The following SCD5 variants were observed in gnomAD, a reference collection of about 807,000 sequenced individuals.
SCD5 encodes stearoyl-CoA desaturase 5, also known as acyl-CoA-desaturase 4.
In SCD5, 20 loss-of-function variants were observed where a neutral mutation model predicts 30.4. The ratio of observed to expected loss-of-function variants is 0.66; its 90% CI spans 0.46 to 0.96. The LOEUF is 0.96. Among genes scored for constraint, SCD5 ranks in the 40% least tolerant of loss-of-function variants. The pLI, the probability that SCD5 is intolerant of heterozygous loss-of-function variation, is 0.00. For synonymous variants in SCD5, 173 were observed against 176.4 expected, an observed-to-expected ratio of 0.98 and a Z score of 0.16; for missense variants, 381 against 443.3, an observed-to-expected ratio of 0.86 and a Z score of 1.26.
chr4:82,652,600 A>G (rs1340888425), intron 3 of SCD5, among the ~76,000 whole-genome samples: 11 of 152,214 alleles, frequency 7.2e-5, no homozygotes, highest in Admixed American at 7.2e-4. Context: ...TCATATGCAC[A>G]TAAAAGTGTC....
intron 2 of SCD5, among the ~76,000 whole-genome samples, chr4:82,684,836 A>C (rs1034441639): frequency 5.9e-5 from 9 of 152,148 alleles, no homozygotes; most frequent in African/African-American, 9.7e-5. Flanking sequence ...TGCACGGGAA[A>C]CAAAAACAAT....
chr4:82,779,832 C>T (rs997040693), intron 1 of SCD5, among the ~76,000 whole-genome samples: 1 of 152,176 alleles, frequency 6.6e-6, no homozygotes, highest in East Asian at 1.9e-4. Flanking sequence ...TTGTATAGTG[C>T]ATTTGCACTA....
intron 1 of SCD5, among the ~76,000 whole-genome samples, chr4:82,750,553 T>C (rs1283422069): frequency 6.6e-6 from 1 of 152,142 alleles, no homozygotes; most frequent in Non-Finnish European, 1.5e-5. Context: ...AAAAATGTTC[T>C]TCAAGATCCA....
intron 1 of SCD5, among the ~76,000 whole-genome samples, chr4:82,739,907 C>T (rs1410070131): frequency 2.0e-5 from 3 of 152,078 alleles, no homozygotes; most frequent in Non-Finnish European, 2.9e-5. Context: ...GTGCAGGTCC[C>T]GACCCCTCTC....
intron 3 of SCD5, among the ~76,000 whole-genome samples, chr4:82,649,857 C>A (rs1318409235): frequency 6.6e-6 from 1 of 152,110 alleles, no homozygotes; most frequent in African/African-American, 2.4e-5. Context: ...CTTTGAGGGT[C>A]ACCGGGCCTT....
At chr4:82,691,078 T>C (rs1469385604) in intron 2 of SCD5, among the ~76,000 whole-genome samples, 1 of 152,208 alleles carries the variant, frequency 6.6e-6, no homozygotes, top group African/African-American at 2.4e-5. Context: ...CAAGCTGGAG[T>C]GCAGTGGTGC....
chr4:82,686,635 G>A (rs900965862), intron 2 of SCD5, among the ~76,000 whole-genome samples: 2 of 152,104 alleles, frequency 1.3e-5, no homozygotes, highest in Non-Finnish European at 2.9e-5. Flanking sequence ...GTACTTGTGT[G>A]TGTATACATA....
At chr4:82,700,361 T>C (rs1352024047) in intron 2 of SCD5, among the ~76,000 whole-genome samples, 1 of 152,232 alleles carries the variant, frequency 6.6e-6, no homozygotes, top group East Asian at 1.9e-4. Context: ...ACTTAGGGTT[T>C]ACACCATGCC....
chr4:82,636,564 C>T, intron 4 of SCD5, 27 bp downstream of exon 4: 1 of 1,574,664 alleles, frequency 6.4e-7, no homozygotes, highest in Non-Finnish European at 8.7e-7. Context: ...ACCATTCTCC[C>T]CATTGGCCCT....
intron 1 of SCD5, among the ~76,000 whole-genome samples, chr4:82,712,813 G>A (rs1381361370): frequency 6.6e-6 from 1 of 152,148 alleles, no homozygotes; most frequent in Admixed American, 6.5e-5. Flanking sequence ...CTTATCTCAT[G>A]GAATAGCACC....
chr4:82,719,199 T>C (rs1720302349), intron 1 of SCD5, among the ~76,000 whole-genome samples: 2 of 151,970 alleles, frequency 1.3e-5, no homozygotes, highest in South Asian at 4.2e-4. Flanking sequence ...CCTCTCTTTC[T>C]TGCATGGCAA....
chr4:82,711,841 A>C (rs28657004), intron 1 of SCD5, among the ~76,000 whole-genome samples: 59,690 of 151,466 alleles, frequency 0.39, 12,441 homozygotes, highest in African/African-American at 0.53. Context: ...CCTGTCCTTG[A>C]TTCTTCGCAC....
At chr4:82,703,480 C>A (rs895914391) in intron 2 of SCD5, among the ~76,000 whole-genome samples, 10 of 152,100 alleles carry the variant, frequency 6.6e-5, no homozygotes, top group Non-Finnish European at 4.4e-5. Flanking sequence ...CCTCCCCTTG[C>A]AGATAAAGGA....
At chr4:82,798,256 C>A in intron 1 of SCD5, 50 bp downstream of exon 1, 1 of 1,436,944 alleles carries the variant, frequency 7.0e-7, no homozygotes, top group Non-Finnish European at 9.2e-7. Flanking sequence ...CGCGCCCCAG[C>A]GCGGCCTGGC....
At chr4:82,675,582 C>T (rs1271501138) in intron 3 of SCD5, among the ~76,000 whole-genome samples, 1 of 152,164 alleles carries the variant, frequency 6.6e-6, no homozygotes, top group African/African-American at 2.4e-5. Flanking sequence ...AGGCAAGGAC[C>T]TTGTTTTTAT....
At chr4:82,788,793 T>C (rs1391215633) in intron 1 of SCD5, among the ~76,000 whole-genome samples, 1 of 152,174 alleles carries the variant, frequency 6.6e-6, no homozygotes, top group African/African-American at 2.4e-5. Context: ...GGGCAGCCTC[T>C]TTCTCCTTCC....
chr4:82,639,742 C>T (rs1052976225), intron 3 of SCD5, among the ~76,000 whole-genome samples: 3 of 152,172 alleles, frequency 2.0e-5, no homozygotes, highest in Admixed American at 6.5e-5. Context: ...ACTTCTTGTC[C>T]GCACCTCTAA....
At chr4:82,706,988 A>G (rs989427763) in intron 1 of SCD5, among the ~76,000 whole-genome samples, 1 of 152,256 alleles carries the variant, frequency 6.6e-6, no homozygotes, top group African/African-American at 2.4e-5. Flanking sequence ...GGCTGAATGT[A>G]AGGATTCATG....
chr4:82,798,594 C>A lies in SCD5; in HGVS notation c.-57G>T, dbSNP rs905285909. 6.8e-6 allele frequency: 10 copies of A among 1,464,826 alleles called. No individual in the cohort carries two copies. The highest frequency in any genetic ancestry group is 2.5e-5 in the East Asian group (1 of 40,422). 90.7% of individuals were successfully genotyped at this position (1,464,826 alleles called of 1,614,324 possible). ...CAGGCAGGCAGGCGCTCTGCCCGAG[C>A]GGAGCTCGAGGGTGGGGGCGGGGGC... On this transcript the variant is annotated 5_prime_UTR_variant, in exon 1 of 5. Coordinates refer to ENST00000319540, the MANE Select transcript of SCD5 (RefSeq NM_001037582.3).
Sources: gnomAD v4.1 joint callset for allele counts (sites outside exome capture counted in the v4.1 genomes callset) on GRCh38, gnomAD v4.1.1 for gene constraint, MANE v1.5 for transcripts, NCBI Gene and HGNC (gene_info 2026-07-23, HGNC 2026-07-21) for gene names.